The following ARHGAP25 variants were observed in gnomAD, a reference collection of about 807,000 sequenced individuals.
The protein encoded by ARHGAP25 is Rho GTPase activating protein 25.
In ARHGAP25, 34 loss-of-function variants were observed where a neutral mutation model predicts 71.0. The observed-to-expected ratio is 0.48, with a 90% CI of 0.36 to 0.64. ARHGAP25 has a LOEUF of 0.64. Ranked by LOEUF, ARHGAP25 falls within the 30% of genes least tolerant of loss-of-function variation. ARHGAP25 has a pLI of 0.00. For missense variants in ARHGAP25, 706 were observed against 805.1 expected (o/e 0.88, Z 1.49); for synonymous variants, 282 against 296.5 (o/e 0.95, Z 0.50).
intron 2 of ARHGAP25, among the ~76,000 whole-genome samples, chr2:68,724,885 T>C (rs1186870011): frequency 6.6e-6 from 1 of 152,238 alleles, no homozygotes; most frequent in Non-Finnish European, 1.5e-5. Context: ...CAGATAAGAT[T>C]GATCCAGGAT....
At chr2:68,733,188 G>A (rs901395605), upstream of ARHGAP25, among the ~76,000 whole-genome samples, 7 of 152,298 alleles carry the variant, frequency 4.6e-5, no homozygotes, top group Admixed American at 2.6e-4. Context: ...ACCATGGGCC[G>A]TGGGAGCCCC....
intron 1 of ARHGAP25, among the ~76,000 whole-genome samples, chr2:68,764,117 A>G (rs1041981009): frequency 2.6e-5 from 4 of 152,158 alleles, no homozygotes; most frequent in African/African-American, 9.7e-5. Context: ...ACAGACTCAT[A>G]TAATTTGTTG....
intron 2 of ARHGAP25, among the ~76,000 whole-genome samples, 182 bp from the exon 3 acceptor site, chr2:68,782,051 C>G (rs1212162489): frequency 6.6e-6 from 1 of 152,152 alleles, no homozygotes; most frequent in Admixed American, 6.5e-5. Flanking sequence ...AATAGCTGCC[C>G]TTTGATTTGC....
In ARHGAP25 at chr2:68,761,958, A is replaced by G. The variant is rs77488415; in HGVS notation, c.62-13263A>G. On this transcript the variant is annotated intron_variant, in intron 1 of 10. Coordinates refer to ENST00000409202, the MANE Select transcript of ARHGAP25 (RefSeq NM_001007231.3). ...CACGTTCATAGCAGCATCATTTGTAATAACTAAAACATGGAGGCAACCCAG... is the reference window on the plus strand; with the variant it reads ...CACGTTCATAGCAGCATCATTTGTAGTAACTAAAACATGGAGGCAACCCAG... Among the ~76,000 whole-genome samples the G allele has an allele frequency of 8.6e-3, 1,303 of 152,322 alleles. 19 individuals carry two copies. Among genetic ancestry groups the G allele is most frequent in the African/African-American group, 0.03 (1,238 of 41,574 alleles).
In ARHGAP25 at chr2:68,717,106, G is replaced by A. The variant is rs2104251204; in HGVS notation, c.-18+6408G>A. Among the ~76,000 whole-genome samples, 3 of 152,254 alleles carry A rather than the reference G, an allele frequency of 2.0e-5. 1 individual carries two copies. Among genetic ancestry groups the A allele is most frequent in the Admixed American group, 2.0e-4 (3 of 15,290 alleles). On this transcript the variant is annotated intron_variant and NMD_transcript_variant, in intron 2 of 7. Transcript: ENST00000463483. ...AGGTGGTACACACCTAGGCCATATGGTACGGGCTATTGCTCCTAGACTACA... is the reference window on the plus strand; with the variant it reads ...AGGTGGTACACACCTAGGCCATATGATACGGGCTATTGCTCCTAGACTACA...
chr2:68,798,861 G>C (rs965303710), intron 4 of ARHGAP25, among the ~76,000 whole-genome samples: 1 of 152,174 alleles, frequency 6.6e-6, no homozygotes, highest in Non-Finnish European at 1.5e-5. Flanking sequence ...GTAATAAAAG[G>C]GGAGATAGCT....
intron 1 of ARHGAP25, among the ~76,000 whole-genome samples, chr2:68,735,882 G>A (rs1675186418): frequency 6.6e-6 from 1 of 152,200 alleles, no homozygotes; most frequent in African/African-American, 2.4e-5. Flanking sequence ...CATATTTTCT[G>A]AGATAGTCTG....
chr2:68,761,778 G>A (rs1197233206), intron 1 of ARHGAP25, among the ~76,000 whole-genome samples: 1 of 152,138 alleles, frequency 6.6e-6, no homozygotes, highest in Non-Finnish European at 1.5e-5. Flanking sequence ...CTTTTGCACT[G>A]TTGGTGGAAA....
chr2:68,764,519 C>T (rs1411453988), intron 1 of ARHGAP25, among the ~76,000 whole-genome samples: 3 of 152,110 alleles, frequency 2.0e-5, no homozygotes, highest in African/African-American at 4.8e-5. Context: ...TCTTGTGTAG[C>T]TCCAGGTTAG....
At chr2:68,760,449 G>A (rs891829223) in intron 1 of ARHGAP25, among the ~76,000 whole-genome samples, 26 of 151,870 alleles carry the variant, frequency 1.7e-4, no homozygotes, top group Non-Finnish European at 3.1e-4. Flanking sequence ...CTAAGGATTC[G>A]ACCAAAAAGC....
At chr2:68,796,491 A>T (rs577284752) in intron 4 of ARHGAP25, among the ~76,000 whole-genome samples, 1 of 152,172 alleles carries the variant, frequency 6.6e-6, no homozygotes, top group Non-Finnish European at 1.5e-5. Flanking sequence ...TACATTCATT[A>T]TGGGGTGGGG....
chr2:68,728,147 T>C (rs528513388), intron 2 of ARHGAP25, among the ~76,000 whole-genome samples: 1 of 152,340 alleles, frequency 6.6e-6, no homozygotes, highest in Admixed American at 6.5e-5. Context: ...TCAGTGGGAC[T>C]ACATCATCGG....
chr2:68,793,171 A>G (rs1023321205), intron 4 of ARHGAP25, among the ~76,000 whole-genome samples: 7 of 152,102 alleles, frequency 4.6e-5, no homozygotes, highest in Non-Finnish European at 7.4e-5. Flanking sequence ...GATTCTGGAT[A>G]TTAGTCTTTT....
chr2:68,727,155 G>T (rs1489949748), intron 2 of ARHGAP25, among the ~76,000 whole-genome samples: 1 of 152,174 alleles, frequency 6.6e-6, no homozygotes, highest in Non-Finnish European at 1.5e-5. Context: ...CTAAAAGCGT[G>T]GTTACTGGTT....
At chr2:68,824,569 T>C (rs569145472) in intron 10 of ARHGAP25, among the ~76,000 whole-genome samples, 171 of 152,152 alleles carry the variant, frequency 1.1e-3, no homozygotes, top group Middle Eastern at 6.8e-3. Flanking sequence ...GGTGAAACCA[T>C]GTCTCTCCTA....
At chr2:68,724,374 A>C (rs7580398) in intron 2 of ARHGAP25, among the ~76,000 whole-genome samples, 39,803 of 152,050 alleles carry the variant, frequency 0.26, 5,557 homozygotes, top group East Asian at 0.47. Context: ...ATGTTTATTT[A>C]TCCTGAGCAA....
At chr2:68,792,564 T>C (rs1468485943) in intron 4 of ARHGAP25, among the ~76,000 whole-genome samples, 1 of 152,202 alleles carries the variant, frequency 6.6e-6, no homozygotes, top group African/African-American at 2.4e-5. Flanking sequence ...CTATCGATGT[T>C]GCTGCAAAAG....
chr2:68,782,432 A>C (rs906855910), intron 3 of ARHGAP25, 112 bp downstream of exon 3: 10 of 918,228 alleles, frequency 1.1e-5, no homozygotes, highest in East Asian at 2.4e-5. Flanking sequence ...TAACTAACCA[A>C]CCAGCCTATT....
At chr2:68,804,041 AG>A (rs1680190169) in intron 4 of ARHGAP25, among the ~76,000 whole-genome samples, 1 of 152,188 alleles carries the variant, frequency 6.6e-6, no homozygotes, top group Non-Finnish European at 1.5e-5. Context: ...TGAAGAAAAA[AG>A]TATGGGTCAG....
Sources: gnomAD v4.1 joint callset for allele counts (sites outside exome capture counted in the v4.1 genomes callset) on GRCh38, gnomAD v4.1.1 for gene constraint, MANE v1.5 for transcripts, NCBI Gene and HGNC (gene_info 2026-07-23, HGNC 2026-07-21) for gene names.